AFAP1L2: variants seen among roughly 807,000 people sequenced by gnomAD.
AFAP1L2 encodes the protein actin filament-associated protein 1-like 2.
In AFAP1L2, 46 loss-of-function variants were observed where a neutral mutation model predicts 99.3. That is an observed-to-expected ratio of 0.46 (90% CI 0.37 to 0.59). The LOEUF (loss-of-function observed/expected upper bound fraction) is 0.59, where lower values mean the gene tolerates loss of function less well. Among genes scored for constraint, AFAP1L2 ranks in the 20% least tolerant of loss-of-function variants. AFAP1L2 has a pLI of 0.00. For synonymous variants in AFAP1L2, 397 were observed against 419.1 expected, an observed-to-expected ratio of 0.95 and a Z score of 0.64; for missense variants, 959 against 1,034.9, an observed-to-expected ratio of 0.93 and a Z score of 1.01.
At chr10:114,398,082 T>C (rs2057898667) in intron 1 of AFAP1L2, among the ~76,000 whole-genome samples, 1 of 152,214 alleles carries the variant, frequency 6.6e-6, no homozygotes, top group Admixed American at 6.5e-5. Flanking sequence ...AGGCTCCTCC[T>C]GTTTTTCTAC....
chr10:114,283,414 T>G, the AFAP1L2 span, among the ~76,000 whole-genome samples: 7 of 151,792 alleles, frequency 4.6e-5, no homozygotes, highest in East Asian at 1.4e-3. Context: ...GGGTAGCGAG[T>G]GTCCCTATTT....
At chr10:114,314,221 T>G (rs1484070667) in intron 6 of AFAP1L2, among the ~76,000 whole-genome samples, 171 bp from the exon 7 acceptor site, 1 of 152,106 alleles carries the variant, frequency 6.6e-6, no homozygotes, top group Admixed American at 6.5e-5. Flanking sequence ...ACCTCAAATA[T>G]CAGCAACTCC....
intron 10 of AFAP1L2, among the ~76,000 whole-genome samples, chr10:114,305,977 G>T: frequency 7.2e-6 from 1 of 138,886 alleles, no homozygotes; most frequent in African/African-American, 2.8e-5. Context: ...GCAGGTACAG[G>T]AGGGGTCGGG....
chr10:114,323,273 A>G lies in AFAP1L2; in HGVS notation c.316-12T>C. The stretch of plus-strand genomic sequence containing the variant: ...TTCCGTTCTGGAATCTGTGGTATGA[A>G]CAAATAAGACAAACGTTTGCAGATA... On this transcript the variant is annotated splice_polypyrimidine_tract_variant and intron_variant, in intron 4 of 18. Coordinates refer to ENST00000304129, the MANE Select transcript of AFAP1L2 (RefSeq NM_001001936.3). The G allele has an allele frequency of 6.3e-7, 1 of 1,577,352 alleles. No homozygotes were observed. Among genetic ancestry groups the G allele is most frequent in the South Asian group, 1.2e-5 (1 of 86,256 alleles).
At chr10:114,328,530 A>C (rs2135488328) in intron 4 of AFAP1L2, among the ~76,000 whole-genome samples, 1 of 152,170 alleles carries the variant, frequency 6.6e-6, no homozygotes, top group South Asian at 2.1e-4. Flanking sequence ...CCTGAGCTGG[A>C]CAGTGACTCA....
chr10:114,331,007 C>T (rs2047153161), intron 4 of AFAP1L2, among the ~76,000 whole-genome samples: 2 of 152,086 alleles, frequency 1.3e-5, no homozygotes, highest in East Asian at 1.9e-4. Flanking sequence ...GGTAGAGGCC[C>T]AGGAGGTACA....
chr10:114,402,487 T>C (rs1208375615), intron 1 of AFAP1L2, among the ~76,000 whole-genome samples: 1 of 152,196 alleles, frequency 6.6e-6, no homozygotes, highest in East Asian at 1.9e-4. Context: ...TGGATTAGCC[T>C]CTGAAACCTA....
chr10:114,384,589 T>C (rs769958330), intron 1 of AFAP1L2, among the ~76,000 whole-genome samples: 11 of 152,230 alleles, frequency 7.2e-5, no homozygotes, highest in Non-Finnish European at 1.3e-4. Flanking sequence ...TTCCAAATTT[T>C]AAGAAACAAG....
chr10:114,383,141 A>G (rs1449774868), intron 1 of AFAP1L2, among the ~76,000 whole-genome samples: 1 of 152,224 alleles, frequency 6.6e-6, no homozygotes, highest in African/African-American at 2.4e-5. Context: ...TTGTATATAC[A>G]TGGCTGCTTA....
At chr10:114,351,868 G>T (rs1199449753) in intron 1 of AFAP1L2, among the ~76,000 whole-genome samples, 1 of 152,128 alleles carries the variant, frequency 6.6e-6, no homozygotes, top group Non-Finnish European at 1.5e-5. Context: ...GATTCAAATT[G>T]CCTAAATATT....
chr10:114,299,085 T>G (rs1450592795), intron 16 of AFAP1L2, among the ~76,000 whole-genome samples, 175 bp downstream of exon 16: 1 of 152,198 alleles, frequency 6.6e-6, no homozygotes, highest in Non-Finnish European at 1.5e-5. Flanking sequence ...GAGAATGACC[T>G]TTCAGACAGG....
intron 5 of AFAP1L2, chr10:114,319,711 C>T (rs1234832695): frequency 1.7e-6 from 2 of 1,170,498 alleles, no homozygotes; most frequent in African/African-American, 1.6e-5. Flanking sequence ...GAGGAGCACG[C>T]CCAAGTGCAG....
intron 1 of AFAP1L2, among the ~76,000 whole-genome samples, chr10:114,341,335 C>G (rs995287932): frequency 1.3e-5 from 2 of 152,152 alleles, no homozygotes; most frequent in East Asian, 1.9e-4. Context: ...ACACCTGGGC[C>G]GAGCACAGTG....
chr10:114,324,404 C>CCA (rs1198928917), intron 4 of AFAP1L2, among the ~76,000 whole-genome samples: 1 of 141,522 alleles, frequency 7.1e-6, no homozygotes, highest in African/African-American at 2.7e-5. Flanking sequence ...CCACCCCCCC[C>CCA]CCCCCCCCGG....
chr10:114,387,558 C>G (rs200244820), intron 1 of AFAP1L2, among the ~76,000 whole-genome samples: 2 of 152,200 alleles, frequency 1.3e-5, no homozygotes, highest in Non-Finnish European at 2.9e-5. Flanking sequence ...TGTGCTGAAC[C>G]TACTGCCAAG....
intron 2 of AFAP1L2, among the ~76,000 whole-genome samples, chr10:114,337,189 G>A (rs2048110726): frequency 6.6e-6 from 1 of 152,248 alleles, no homozygotes; most frequent in African/African-American, 2.4e-5. Context: ...GATAAGGTTA[G>A]GTCCACCTGT....
rs145837129 is a variant in AFAP1L2 at position 114,297,356 on chromosome 10, C to T, written c.2171G>A (p.Arg724Gln). 2.4e-5 allele frequency: 38 copies of T among 1,613,586 alleles called. No individual in the cohort carries two copies. The highest frequency in any genetic ancestry group is 1.6e-4 in the African/African-American group (12 of 74,924). ...QKLKEIDEEC[R>Q]GEESRRVDLE... Reference sequence around the variant, plus strand: ...GTCCACGCGCCTGCTCTCCTCGCCCCGGCACTCCTCGTCAATTTCCTTCAG... The same window carrying T: ...GTCCACGCGCCTGCTCTCCTCGCCCTGGCACTCCTCGTCAATTTCCTTCAG... Residue 724 changes from arginine to glutamine, a missense_variant, in exon 17 of 19, where the codon CGG (arginine) becomes CAG (glutamine). Physicochemically the swap from Arg to Gln is conservative, Grantham distance 43 (BLOSUM62 1). Around this residue, in one of 2 missense-constraint regions of AFAP1L2, gnomAD observed 576 missense variants for 562.1 expected, o/e 1.02. Transcript: ENST00000304129.
At chr10:114,327,422 G>A (rs1207253298) in intron 4 of AFAP1L2, among the ~76,000 whole-genome samples, 2 of 151,632 alleles carry the variant, frequency 1.3e-5, no homozygotes, top group Admixed American at 1.3e-4. Context: ...TCAAAGTGCT[G>A]GGATTACAGG....
intron 10 of AFAP1L2, among the ~76,000 whole-genome samples, chr10:114,306,075 G>A (rs1308000022): frequency 9.9e-6 from 1 of 101,018 alleles, no homozygotes; most frequent in Non-Finnish European, 2.1e-5. Context: ...ANGAAGCGAC[G>A]GGGCTGCAGA....
Sources: gnomAD v4.1 joint callset for allele counts (sites outside exome capture counted in the v4.1 genomes callset) on GRCh38, gnomAD v4.1.1 for gene constraint, gnomAD v4.1.1 regional missense constraint, MANE v1.5 for transcripts, NCBI Gene and HGNC (gene_info 2026-07-23, HGNC 2026-07-21) for gene names.